The following AP3B1 variants were observed in gnomAD, a reference collection of about 807,000 sequenced individuals.
The protein encoded by AP3B1 is adaptor related protein complex 3 subunit beta 1, also known as AP-3 complex subunit beta-1.
AP3B1 carries 61 observed loss-of-function variants against 132.5 expected under a neutral mutation model. The ratio of observed to expected loss-of-function variants is 0.46; its 90% CI spans 0.37 to 0.57. AP3B1 has a LOEUF of 0.57. Among genes scored for constraint, AP3B1 ranks in the 20% least tolerant of loss-of-function variants. AP3B1 has a pLI of 0.00. For synonymous variants in AP3B1, 388 were observed against 438.3 expected (o/e 0.89, Z 1.43); for missense variants, 1,120 against 1,289.4 (o/e 0.87, Z 2.01).
intron 2 of AP3B1, among the ~76,000 whole-genome samples, chr5:78,251,708 G>A (rs960981187): frequency 4.6e-5 from 7 of 152,342 alleles, no homozygotes; most frequent in South Asian, 2.1e-4. Flanking sequence ...CCTCGCCACC[G>A]AGGGCTACAG....
chr5:78,034,592 A>C, intron 23 of AP3B1, 147 bp from the exon 24 acceptor site: 1 of 678,450 alleles, frequency 1.5e-6, no homozygotes, highest in South Asian at 1.7e-5. Context: ...AGAATATTAA[A>C]GCAAATTACA....
chr5:78,241,035 T>C, intron 2 of AP3B1, 99 bp from the exon 3 acceptor site: 1 of 807,706 alleles, frequency 1.2e-6, no homozygotes, highest in Non-Finnish European at 2.1e-6. Flanking sequence ...ACCGCTGAAC[T>C]CTTTTTGAAT....
intron 22 of AP3B1, among the ~76,000 whole-genome samples, chr5:78,054,308 AT>A (rs946593683): frequency 2.0e-5 from 3 of 152,330 alleles, no homozygotes; most frequent in African/African-American, 7.2e-5. Flanking sequence ...GGCCAGAGAG[AT>A]TATGTATGAA....
chr5:78,124,476 G>C (rs910403708), intron 17 of AP3B1, among the ~76,000 whole-genome samples: 2 of 152,224 alleles, frequency 1.3e-5, no homozygotes, highest in African/African-American at 4.8e-5. Flanking sequence ...TTTGGGAGCT[G>C]AGGCAGGAGG....
intron 14 of AP3B1, among the ~76,000 whole-genome samples, chr5:78,149,757 T>A (rs945745609): frequency 6.6e-6 from 1 of 152,176 alleles, no homozygotes; most frequent in South Asian, 2.1e-4. Flanking sequence ...ATCCAAGTCA[T>A]CCGGTTTTCA....
intron 1 of AP3B1, among the ~76,000 whole-genome samples, chr5:78,292,386 T>A (rs1433153258): frequency 6.6e-6 from 1 of 152,214 alleles, no homozygotes; most frequent in African/African-American, 2.4e-5. Context: ...GGAGCTACTA[T>A]TTAAAGTTTT....
chr5:78,191,354 C>CAAAAAAAAAAAAA (rs34733864), intron 7 of AP3B1, among the ~76,000 whole-genome samples: 1 of 72,832 alleles, frequency 1.4e-5, no homozygotes, highest in African/African-American at 5.5e-5. Context: ...TGCTTTTCCC[C>CAAAAAAAAAAAAA]AAAAAAAAAA....
In AP3B1 at chr5:78,098,046, G is replaced by A. The variant is rs1750961546; in HGVS notation, c.2470+2907C>T. Among the ~76,000 whole-genome samples the A allele has an allele frequency of 2.6e-5, 4 of 151,334 alleles. No individual in the cohort carries two copies. In the South Asian group the frequency reaches 8.3e-4, roughly 32 times the overall value. On this transcript the variant is annotated intron_variant, in intron 21 of 26. Coordinates refer to ENST00000255194, the MANE Select transcript of AP3B1 (RefSeq NM_003664.5). Reference sequence around the variant, plus strand: ...CAGGGTTAAATGGATTAAGGGCGGTGCAAGATGTGCTTTGTTAAACAGATG... The same window carrying A: ...CAGGGTTAAATGGATTAAGGGCGGTACAAGATGTGCTTTGTTAAACAGATG...
chr5:78,043,449 A>T (rs1199946986), intron 22 of AP3B1: 1 of 222,074 alleles, frequency 4.5e-6, no homozygotes, highest in Non-Finnish European at 9.7e-6. Context: ...CTTCTTTCTC[A>T]CCTTTCTCTT....
At chr5:78,044,790 T>C (rs758960278) in intron 22 of AP3B1, among the ~76,000 whole-genome samples, 6 of 152,222 alleles carry the variant, frequency 3.9e-5, no homozygotes. Context: ...TTATTTTGTG[T>C]TTTCAACTTT....
intron 7 of AP3B1, among the ~76,000 whole-genome samples, chr5:78,187,196 G>A (rs1744638648): frequency 6.6e-6 from 1 of 152,036 alleles, no homozygotes; most frequent in South Asian, 2.1e-4. Context: ...GGAGCTCCAG[G>A]CTAAAGTAGT....
chr5:78,098,521 T>C (rs984132840), intron 21 of AP3B1, among the ~76,000 whole-genome samples: 1 of 152,248 alleles, frequency 6.6e-6, no homozygotes, highest in African/African-American at 2.4e-5. Flanking sequence ...GTTATTCTTT[T>C]ACAATTTTAA....
At chr5:78,160,808 G>T (rs1344911125) in intron 13 of AP3B1, among the ~76,000 whole-genome samples, 1 of 151,882 alleles carries the variant, frequency 6.6e-6, no homozygotes, top group African/African-American at 2.4e-5. Flanking sequence ...TTTCTTTTAT[G>T]TTACTAATTT....
chr5:78,182,934 T>G (rs372691358), intron 7 of AP3B1, among the ~76,000 whole-genome samples: 11 of 152,216 alleles, frequency 7.2e-5, no homozygotes, highest in African/African-American at 2.7e-4. Context: ...GAGCTTGGAC[T>G]TCTAAGCCCA....
rs1747104115 is a variant in AP3B1 at position 78,240,857 on chromosome 5, A to G, written c.279+5T>C. The G allele has an allele frequency of 6.9e-6, 11 of 1,596,780 alleles. No individual in the cohort carries two copies. The highest frequency in any genetic ancestry group is 2.7e-5 in the African/African-American group (2 of 74,540). On this transcript the variant is annotated splice_donor_5th_base_variant and intron_variant, in intron 3 of 26. Transcript: ENST00000255194. ...AATCATAAAAATTATAGATCAAAAC[A>G]GTACCTCAATATTTTTACTGGCCAC...
chr5:78,213,725 T>A (rs988686270), intron 7 of AP3B1, among the ~76,000 whole-genome samples: 1 of 152,196 alleles, frequency 6.6e-6, no homozygotes, highest in East Asian at 1.9e-4. Flanking sequence ...CAGTTACCAA[T>A]AATTGCCTCT....
chr5:78,152,452 C>G (rs1325780538), intron 14 of AP3B1, among the ~76,000 whole-genome samples: 4 of 151,958 alleles, frequency 2.6e-5, no homozygotes, highest in Non-Finnish European at 5.9e-5. Context: ...CTAGATTATC[C>G]AACTTACTGG....
At chr5:78,091,300 C>T (rs1367763232) in intron 21 of AP3B1, among the ~76,000 whole-genome samples, 1 of 111,930 alleles carries the variant, frequency 8.9e-6, no homozygotes, top group Non-Finnish European at 1.9e-5. Context: ...AAAAAAGTAA[C>T]AATACAGTCC....
chr5:78,208,637 T>C (rs115286279), intron 7 of AP3B1, among the ~76,000 whole-genome samples: 1,792 of 152,262 alleles, frequency 0.012, 41 homozygotes, highest in African/African-American at 0.039. Context: ...ATAACTACTC[T>C]GAACAAAATC....
Sources: gnomAD v4.1 joint callset for allele counts (sites outside exome capture counted in the v4.1 genomes callset) on GRCh38, gnomAD v4.1.1 for gene constraint, MANE v1.5 for transcripts, NCBI Gene and HGNC (gene_info 2026-07-23, HGNC 2026-07-21) for gene names.